Variants in ZC3H11B observed in about 807,000 individuals in gnomAD.
ZC3H11B encodes zinc finger CCCH-type containing 11B.
A neutral mutation model predicts 34.0 loss-of-function variants in ZC3H11B; 3 were observed. That is an observed-to-expected ratio of 0.09 (90% CI 0.04 to 0.23). The LOEUF (loss-of-function observed/expected upper bound fraction) is 0.23. Ranked by LOEUF, ZC3H11B falls within the 10% of genes least tolerant of loss-of-function variation. ZC3H11B has a pLI of 1.00. For missense variants in ZC3H11B, 99 were observed against 660.1 expected, an observed-to-expected ratio of 0.15 and a Z score of 9.31; for synonymous variants, 33 against 250.1, an observed-to-expected ratio of 0.13 and a Z score of 8.19.
At chr1:219,611,863 T>A in exon 2 of ZC3H11B, 2 of 1,095,908 alleles carry the variant, frequency 1.8e-6, no homozygotes, top group Admixed American at 1.9e-5. Context: ...ATTTTCCCAA[T>A]AACAAGGAAT....
exon 2 of ZC3H11B, chr1:219,608,456 C>A (rs529107461): frequency 2.0e-4 from 30 of 152,172 alleles, no homozygotes; most frequent in African/African-American, 7.3e-4. Context: ...GTCCTGCCTT[C>A]CTCTTCCTCC....
chr1:219,609,867 G>T, exon 2 of ZC3H11B: 1 of 1,614,172 alleles, frequency 6.2e-7, no homozygotes, highest in Non-Finnish European at 8.5e-7. Flanking sequence ...AAGAGGACTG[G>T]GTTGGAGGCA....
At chr1:219,610,481 C>G in exon 2 of ZC3H11B, 1 of 816,652 alleles carries the variant, frequency 1.2e-6, no homozygotes, top group Non-Finnish European at 2.2e-6. Flanking sequence ...AAATCAACTT[C>G]ATTTCCTTCC....
At chr1:219,610,373 C>T in exon 2 of ZC3H11B, 1 of 629,902 alleles carries the variant, frequency 1.6e-6, no homozygotes, top group South Asian at 1.6e-5. Flanking sequence ...ATGCGCGTCT[C>T]TCTCATGATC....
At position 219,611,729 on chromosome 1, in the gene ZC3H11B, C is replaced by T. The variant is rs1668004160; in HGVS notation, c.334G>A (p.Glu112Lys). 7 of 1,584,198 alleles carry T rather than the reference C, an allele frequency of 4.4e-6. No individual in the cohort carries two copies. In the South Asian group the frequency reaches 6.7e-5, roughly 15 times the overall value. ...ACTGAAAGTTGGCTAGCCTTCACTTCCTCTTCTGGTGACTCAGGCACAGTG... is the reference window on the plus strand; with the variant it reads ...ACTGAAAGTTGGCTAGCCTTCACTTTCTCTTCTGGTGACTCAGGCACAGTG... Residue 112 changes from glutamate (E) to lysine (K), a missense_variant, in exon 2 of 2, where the codon GAA becomes AAA. Coordinates refer to ENST00000651890, the Ensembl canonical transcript of ZC3H11B.
At position 219,612,195 on chromosome 1, in the gene ZC3H11B, T is replaced by A; in HGVS notation, c.-133A>T. ...GACAACTTGATCACAGAAATTGTCT[T>A]TAAACTGTAATCATTAGCTGGTTGC... On this transcript the variant is annotated 5_prime_UTR_variant, in exon 2 of 2. An upstream open reading frame in the 5' UTR loses its in-frame stop. Coordinates refer to ENST00000651890, the Ensembl canonical transcript of ZC3H11B. 1 of 636,306 alleles carries A rather than the reference T, an allele frequency of 1.6e-6. No individual in the cohort carries two copies. The highest frequency in any genetic ancestry group is 2.8e-6 in the Non-Finnish European group (1 of 357,050). The allele number at this position is 636,306 out of a possible 1,614,324, so 39.4% of individuals were successfully genotyped here.
exon 2 of ZC3H11B, chr1:219,611,161 C>G (rs571848040): frequency 6.2e-7 from 1 of 1,613,850 alleles, no homozygotes; most frequent in Non-Finnish European, 8.5e-7. Flanking sequence ...TGCCAGGCTA[C>G]GCTTTAATGG....
At chr1:219,608,452 C>G (rs1011998790) in exon 2 of ZC3H11B, 1 of 152,064 alleles carries the variant, frequency 6.6e-6, no homozygotes, top group Admixed American at 6.6e-5. Context: ...GTAAGTCCTG[C>G]CTTCCTCTTC....
chr1:219,612,146 T>G (rs1668010977), exon 2 of ZC3H11B: 4 of 596,768 alleles, frequency 6.7e-6, no homozygotes, highest in Non-Finnish European at 9.0e-6. Flanking sequence ...CAAGTCCTCG[T>G]GAAATGGGTT....
exon 2 of ZC3H11B, chr1:219,608,597 A>G (rs1667951906): frequency 6.6e-6 from 1 of 152,208 alleles, no homozygotes; most frequent in Non-Finnish European, 1.5e-5. Context: ...GAAATGAAGA[A>G]AACTGGCAGG....
At chr1:219,613,035 C>T (rs1200704202) in exon 1 of ZC3H11B, 7 of 246,240 alleles carry the variant, frequency 2.8e-5, no homozygotes, top group Non-Finnish European at 3.1e-5. Flanking sequence ...GCTGCCACGT[C>T]TTTCTTCTTG....
chr1:219,610,350 C>G, exon 2 of ZC3H11B: 1 of 605,020 alleles, frequency 1.7e-6, no homozygotes, highest in South Asian at 1.7e-5. Context: ...TTTCCCTCTC[C>G]TGCTGTTTCT....
chr1:219,611,637 T>G, exon 2 of ZC3H11B: 1 of 1,608,620 alleles, frequency 6.2e-7, no homozygotes, highest in Non-Finnish European at 8.5e-7. Context: ...TTTCGGAACT[T>G]TCTACTTTCA....
chr1:219,609,516 T>C (rs1321751023), exon 2 of ZC3H11B: 1 of 583,430 alleles, frequency 1.7e-6, no homozygotes, highest in Non-Finnish European at 3.0e-6. Flanking sequence ...TACTTCTGAT[T>C]TGGGGCAAAT....
chr1:219,609,191 T>C (rs1206369027), exon 2 of ZC3H11B: 1 of 184,530 alleles, frequency 5.4e-6, no homozygotes, highest in Admixed American at 5.4e-5. Context: ...AGCATAAAAT[T>C]TGGCCCTTAA....
At chr1:219,613,048 T>C (rs1668021975) in exon 1 of ZC3H11B, 1 of 236,614 alleles carries the variant, frequency 4.2e-6, no homozygotes, top group African/African-American at 2.3e-5. Context: ...TCTTCTTGCT[T>C]GGCCGCTGCC....
exon 2 of ZC3H11B, among the ~76,000 whole-genome samples, chr1:219,608,047 AG>A (rs1232641482): frequency 6.6e-6 from 1 of 152,100 alleles, no homozygotes; most frequent in African/African-American, 2.4e-5. Context: ...AAAAAGCAAA[AG>A]AATAAAGAAT....
chr1:219,613,010 C>A (rs1487883898), exon 1 of ZC3H11B: 2 of 243,930 alleles, frequency 8.2e-6, no homozygotes, highest in East Asian at 7.1e-5. Context: ...ATGACACTAT[C>A]CCCGACTCCC....
Position 219,612,316 on chromosome 1 carries a change from GA to G in ZC3H11B, c.-255del, listed in dbSNP as rs2102512055. 23 of 475,372 alleles carry G rather than the reference GA, an allele frequency of 4.8e-5. 2 individuals carry two copies. The South Asian group carries it at 6.9e-4, about 14-fold the overall frequency. 29.4% of individuals were successfully genotyped at this position (475,372 alleles called of 1,614,324 possible). On this transcript the variant is annotated 5_prime_UTR_variant, in exon 2 of 2. Coordinates refer to ENST00000651890, the Ensembl canonical transcript of ZC3H11B. ...TCCATGAATTAATAATAATGAGGCAGAAAAAATTTTCCTCCTCACATTGCCA... is the reference window on the plus strand; with the variant it reads ...TCCATGAATTAATAATAATGAGGCAGAAAAATTTTCCTCCTCACATTGCCA...
Sources: gnomAD v4.1 joint callset for allele counts (sites outside exome capture counted in the v4.1 genomes callset) on GRCh38, gnomAD v4.1.1 for gene constraint, MANE v1.5 for transcripts, NCBI Gene and HGNC (gene_info 2026-07-23, HGNC 2026-07-21) for gene names.